The following SIPA1L2 variants were observed in gnomAD, a reference collection of about 807,000 sequenced individuals.
The protein encoded by SIPA1L2 is signal-induced proliferation-associated 1-like protein 2.
In SIPA1L2, 56 loss-of-function variants were observed where a neutral mutation model predicts 163.9. The observed-to-expected ratio is 0.34, with a 90% CI of 0.28 to 0.43. The LOEUF (loss-of-function observed/expected upper bound fraction) is 0.43. Ranked by LOEUF, SIPA1L2 falls within the 20% of genes least tolerant of loss-of-function variation. SIPA1L2 has a pLI of 1.00. For missense variants in SIPA1L2, 1,974 were observed against 2,193.5 expected, an observed-to-expected ratio of 0.90 and a Z score of 2.00; for synonymous variants, 877 against 865.7, an observed-to-expected ratio of 1.01 and a Z score of -0.23.
At chr1:232,627,481 G>T (rs1663139406) in intron 1 of SIPA1L2, among the ~76,000 whole-genome samples, 2 of 151,742 alleles carry the variant, frequency 1.3e-5, no homozygotes, top group South Asian at 2.1e-4. Context: ...CTAAGCTCAG[G>T]TATCAAGGAA....
chr1:232,493,504 A>G, intron 4 of SIPA1L2, 23 bp downstream of exon 4: 1 of 1,613,702 alleles, frequency 6.2e-7, no homozygotes, highest in Non-Finnish European at 8.5e-7. Context: ...TAGCCCAATA[A>G]CTACGGCAAG....
At position 232,439,137 on chromosome 1, in the gene SIPA1L2, G is replaced by A. The variant is rs1223941111; in HGVS notation, c.4002C>T (p.Gly1334=). 14 of 1,611,060 alleles carry A rather than the reference G, an allele frequency of 8.7e-6. No homozygotes were observed. In the South Asian group the frequency reaches 9.9e-5, roughly 11 times the overall value. Residue 1334 remains glycine (G), a synonymous_variant, in exon 15 of 23, where the codon GGC becomes GGT. Coordinates refer to ENST00000674635, the MANE Select transcript of SIPA1L2 (RefSeq NM_020808.5). The part of the protein sequence containing the change: ...SAGSAAEGSM[G]DLSEISSHSS... ...AATGAGAGGATATCTCACTGAGATC[G>A]CCCATGCTGCCTTCCGCAGCACTGC...
chr1:232,586,467 G>A (rs578228445), intron 1 of SIPA1L2, among the ~76,000 whole-genome samples: 3 of 151,550 alleles, frequency 2.0e-5, no homozygotes, highest in South Asian at 2.1e-4. Flanking sequence ...TCCAAAGACC[G>A]AACGACTCCA....
At chr1:232,613,783 A>T (rs1483733187) in intron 1 of SIPA1L2, among the ~76,000 whole-genome samples, 1 of 152,200 alleles carries the variant, frequency 6.6e-6, no homozygotes, top group Non-Finnish European at 1.5e-5. Context: ...AGCACAGAAT[A>T]TGACCTTTCA....
chr1:232,542,136 T>C (rs1020028340), intron 2 of SIPA1L2, among the ~76,000 whole-genome samples: 1 of 152,260 alleles, frequency 6.6e-6, no homozygotes, highest in African/African-American at 2.4e-5. Context: ...ACTGGACTGC[T>C]ACCATCTACT....
chr1:232,619,945 C>T (rs976562619), intron 1 of SIPA1L2, among the ~76,000 whole-genome samples: 1 of 152,054 alleles, frequency 6.6e-6, no homozygotes, highest in African/African-American at 2.4e-5. Flanking sequence ...AGTGCAGTGG[C>T]GCGATCTCAG....
chr1:232,436,121 T>C (rs1206245402), intron 15 of SIPA1L2, among the ~76,000 whole-genome samples: 1 of 152,212 alleles, frequency 6.6e-6, no homozygotes, highest in Non-Finnish European at 1.5e-5. Context: ...CTTCCCTAGG[T>C]TACCCAGGCA....
chr1:232,628,467 A>G (rs1466291943), intron 1 of SIPA1L2, among the ~76,000 whole-genome samples: 1 of 152,264 alleles, frequency 6.6e-6, no homozygotes, highest in African/African-American at 2.4e-5. Context: ...AATATTGTCT[A>G]AACAGAATGA....
chr1:232,472,523 T>A (rs938389532), intron 7 of SIPA1L2, among the ~76,000 whole-genome samples: 2 of 152,228 alleles, frequency 1.3e-5, no homozygotes, highest in African/African-American at 4.8e-5. Context: ...TTGTGACCAC[T>A]TCTTTCCTAT....
chr1:232,449,511 CCGTCTCAAAAAA>C (rs1663431909), intron 10 of SIPA1L2, among the ~76,000 whole-genome samples: 1 of 133,162 alleles, frequency 7.5e-6, no homozygotes, highest in African/African-American at 2.8e-5. Flanking sequence ...TAGCGAGACT[CCGTCTCAAAAAA>C]AAAAAAAAAA....
chr1:232,576,377 A>G (rs1301235062), intron 1 of SIPA1L2, among the ~76,000 whole-genome samples: 1 of 152,208 alleles, frequency 6.6e-6, no homozygotes, highest in African/African-American at 2.4e-5. Flanking sequence ...GCGATCTTGG[A>G]TGGAACTAGT....
At chr1:232,619,282 C>T (rs188942475) in intron 1 of SIPA1L2, among the ~76,000 whole-genome samples, 4 of 152,276 alleles carry the variant, frequency 2.6e-5, no homozygotes. Context: ...CCATGCAAAC[C>T]CACCTTATTC....
Position 232,432,055 on chromosome 1 carries a change from C to CT in SIPA1L2, c.4256+191dup, listed in dbSNP as rs954897144. ...AAGCAAAGAACACAGATTTCTTTTC[C>CT]TTTTTTTATGTAAAAATCAAGAGAA... On this transcript the variant is annotated intron_variant, in intron 16 of 22. Coordinates refer to ENST00000674635, the MANE Select transcript of SIPA1L2 (RefSeq NM_020808.5). Among the ~76,000 whole-genome samples, 156 of 152,180 alleles carry CT rather than the reference C, an allele frequency of 1.0e-3. 3 individuals carry two copies. Among genetic ancestry groups the CT allele is most frequent in the Non-Finnish European group, 2.9e-4 (20 of 67,998 alleles).
At chr1:232,487,919 T>C (rs1162140829) in intron 5 of SIPA1L2, among the ~76,000 whole-genome samples, 5 of 144,200 alleles carry the variant, frequency 3.5e-5, no homozygotes, top group African/African-American at 1.3e-4. Context: ...GTAATTAGGT[T>C]ACACACACAC....
At chr1:232,603,255 C>T (rs1661701652) in intron 1 of SIPA1L2, among the ~76,000 whole-genome samples, 1 of 152,094 alleles carries the variant, frequency 6.6e-6, no homozygotes, top group Non-Finnish European at 1.5e-5. Flanking sequence ...TTGAGAAGAT[C>T]CAAGGAAGAC....
At chr1:232,441,199 T>G in intron 14 of SIPA1L2, 92 bp downstream of exon 14, 12 of 952,826 alleles carry the variant, frequency 1.3e-5, no homozygotes, top group East Asian at 5.7e-5. Context: ...AATGTGCTCT[T>G]GAGCATCCCC....
At chr1:232,586,341 A>G (rs1222457881) in intron 1 of SIPA1L2, among the ~76,000 whole-genome samples, 2 of 152,198 alleles carry the variant, frequency 1.3e-5, no homozygotes, top group African/African-American at 2.4e-5. Context: ...CAATGTATTT[A>G]TTAATATTTT....
At chr1:232,597,556 G>A (rs1054771543) in intron 1 of SIPA1L2, among the ~76,000 whole-genome samples, 6 of 151,576 alleles carry the variant, frequency 4.0e-5, no homozygotes, top group South Asian at 2.1e-4. Context: ...CGGGCGTGAT[G>A]GCGGGCGTCT....
intron 18 of SIPA1L2, among the ~76,000 whole-genome samples, chr1:232,419,097 T>C (rs1661423147): frequency 1.3e-5 from 2 of 152,230 alleles, no homozygotes; most frequent in African/African-American, 4.8e-5. Flanking sequence ...GGTGGCACAT[T>C]TGGGGGAGGC....
Sources: gnomAD v4.1 joint callset for allele counts (sites outside exome capture counted in the v4.1 genomes callset) on GRCh38, gnomAD v4.1.1 for gene constraint, MANE v1.5 for transcripts, NCBI Gene and HGNC (gene_info 2026-07-23, HGNC 2026-07-21) for gene names.